Variants in ESYT2 observed in about 807,000 individuals in gnomAD.
The protein encoded by ESYT2 is extended synaptotagmin 2, also known as extended synaptotagmin-2.
ESYT2 carries 54 observed loss-of-function variants against 107.2 expected under a neutral mutation model. That is an observed-to-expected ratio of 0.50 (90% CI 0.40 to 0.63). The LOEUF (loss-of-function observed/expected upper bound fraction) is 0.63, where lower values mean the gene tolerates loss of function less well. Ranked by LOEUF, ESYT2 falls within the 30% of genes least tolerant of loss-of-function variation. The pLI, the probability that ESYT2 is intolerant of heterozygous loss-of-function variation, is 0.00. For synonymous variants in ESYT2, 491 were observed against 434.1 expected, an observed-to-expected ratio of 1.13 and a Z score of -1.63; for missense variants, 1,020 against 1,094.5, an observed-to-expected ratio of 0.93 and a Z score of 0.96.
intron 6 of ESYT2, among the ~76,000 whole-genome samples, chr7:158,779,955 G>A (rs548669681): frequency 3.0e-4 from 46 of 152,310 alleles, no homozygotes; most frequent in African/African-American, 1.1e-3. Flanking sequence ...ATCCAACTTG[G>A]TTTCTACCAC....
chr7:158,748,601 C>T (rs10266333), intron 15 of ESYT2, among the ~76,000 whole-genome samples: 1,999 of 152,238 alleles, frequency 0.013, 50 homozygotes, highest in African/African-American at 0.045. Flanking sequence ...TTTGCACCAA[C>T]GTAATAGCTC....
At chr7:158,769,922 TTTAA>T (rs1374923922) in intron 7 of ESYT2, among the ~76,000 whole-genome samples, 4 of 152,176 alleles carry the variant, frequency 2.6e-5, no homozygotes, top group East Asian at 3.9e-4. Flanking sequence ...TATTTATTTT[TTTAA>T]TTAATTTATT....
rs748575244 is a variant in ESYT2 at position 158,748,284 on chromosome 7, G to T, written c.1558-4C>A. Reference sequence around the variant, plus strand: ...GTTCATTGGTTTTGTATCGAATCTAGAAGAAATATCCAAATTATTAGCTCT... The same window carrying T: ...GTTCATTGGTTTTGTATCGAATCTATAAGAAATATCCAAATTATTAGCTCT... On this transcript the variant is annotated splice_polypyrimidine_tract_variant and splice_region_variant and intron_variant, in intron 15 of 22. Transcript: ENST00000275418. 1.2e-6 allele frequency: 2 copies of T among 1,611,692 alleles called. No homozygotes were observed. Among genetic ancestry groups the T allele is most frequent in the African/African-American group, 2.7e-5 (2 of 75,006 alleles).
intron 1 of ESYT2, among the ~76,000 whole-genome samples, chr7:158,814,309 A>G (rs1279589024): frequency 1.3e-4 from 1 of 7,466 alleles, no homozygotes; most frequent in Non-Finnish European, 1.2e-3. Flanking sequence ...ATATATATAT[A>G]TATATATATA....
intron 16 of ESYT2, among the ~76,000 whole-genome samples, chr7:158,746,538 G>C (rs1837408600): frequency 6.6e-6 from 1 of 150,804 alleles, no homozygotes. Context: ...GATTAATAAA[G>C]CACCAATAAT....
chr7:158,793,736 G>A lies in ESYT2; in HGVS notation c.508-10C>T. Reference sequence around the variant, plus strand: ...CATTGATCCTGAGGGGCTGAAATAAGAAGTAGCTTATTTTAAGATACAGAG... The same window carrying A: ...CATTGATCCTGAGGGGCTGAAATAAAAAGTAGCTTATTTTAAGATACAGAG... On this transcript the variant is annotated splice_polypyrimidine_tract_variant and intron_variant, in intron 3 of 22. Transcript: ENST00000275418. 2 of 1,607,734 alleles carry A rather than the reference G, an allele frequency of 1.2e-6. No individual in the cohort carries two copies. The highest frequency in any genetic ancestry group is 1.7e-6 in the Non-Finnish European group (2 of 1,176,612).
intron 1 of ESYT2, among the ~76,000 whole-genome samples, chr7:158,821,522 C>G (rs979382934): frequency 7.2e-5 from 11 of 152,236 alleles, no homozygotes; most frequent in Admixed American, 3.3e-4. Flanking sequence ...TCACCCCCAT[C>G]ATGTCCAAAC....
chr7:158,794,592 AC>A (rs1839406120), intron 3 of ESYT2, among the ~76,000 whole-genome samples: 2 of 152,118 alleles, frequency 1.3e-5, no homozygotes, highest in South Asian at 4.2e-4. Context: ...AGAGTTTGAG[AC>A]CAGCCTGAGT....
chr7:158,821,170 T>G (rs959599328), intron 1 of ESYT2, among the ~76,000 whole-genome samples: 3 of 152,158 alleles, frequency 2.0e-5, no homozygotes, highest in African/African-American at 7.2e-5. Context: ...AAAACCTCCA[T>G]AAATAAAACA....
Position 158,782,515 on chromosome 7 carries a change from G to C in ESYT2, c.747+5489C>G, listed in dbSNP as rs373172131. 3.7e-5 allele frequency among the ~76,000 whole-genome samples: 5 copies of C among 135,048 alleles called. No individual in the cohort carries two copies. In the East Asian group the frequency reaches 8.2e-4, roughly 22 times the overall value. The allele number at this position is 135,048 out of a possible 152,430, so 88.6% of individuals were successfully genotyped here. ...GTGTGAAACAAGTGAGAACAAGTGT[G>C]AGTGGAATAGCGAGTGTAAGAAAAT... On this transcript the variant is annotated intron_variant, in intron 6 of 22. Coordinates refer to ENST00000275418, the MANE Select transcript of ESYT2 (RefSeq NM_001367773.1).
At chr7:158,821,549 G>A (rs1024960499) in intron 1 of ESYT2, among the ~76,000 whole-genome samples, 15 of 152,180 alleles carry the variant, frequency 9.9e-5, no homozygotes, top group Admixed American at 9.8e-4. Flanking sequence ...TTAAAAGCAC[G>A]ACAGTAATCC....
chr7:158,748,196 C>T lies in ESYT2; in HGVS notation c.1642G>A (p.Glu548Lys), dbSNP rs1837468722. 1.2e-6 allele frequency: 2 copies of T among 1,613,248 alleles called. No individual in the cohort carries two copies. Among genetic ancestry groups the T allele is most frequent in the African/African-American group, 2.7e-5 (2 of 74,858 alleles). ...HNPKRQDLEV[E>K]VRDEQHQCSL... ...GTTAAAAAATGCAAATAAAATACCT[C>T]AACTTCAAGGTCCTGGCGCTTGGGA... The change falls in exon 16 of 23, where the codon GAG (glutamate) becomes AAG (lysine). Residue 548 changes from glutamate (E) to lysine (K), a missense_variant and splice_region_variant. Physicochemically the swap from Glu to Lys is moderately conservative, Grantham distance 56. Coordinates refer to ENST00000275418, the MANE Select transcript of ESYT2 (RefSeq NM_001367773.1).
chr7:158,740,169 AC>A (rs1222430129), intron 18 of ESYT2, among the ~76,000 whole-genome samples: 1 of 152,180 alleles, frequency 6.6e-6, no homozygotes, highest in Non-Finnish European at 1.5e-5. Flanking sequence ...CTGACCACGG[AC>A]TGCTGCTGGC....
intron 19 of ESYT2, among the ~76,000 whole-genome samples, chr7:158,738,352 C>CAG (rs1447962387): frequency 0.01 from 1,123 of 109,388 alleles, 52 homozygotes; most frequent in African/African-American, 0.041. Flanking sequence ...CAGACACACA[C>CAG]ACACACACAC....
At chr7:158,766,402 C>T (rs1256856217) in intron 8 of ESYT2, among the ~76,000 whole-genome samples, 1 of 152,160 alleles carries the variant, frequency 6.6e-6, no homozygotes, top group African/African-American at 2.4e-5. Context: ...GCATAAGAGG[C>T]TTAGGTGCAG....
intron 11 of ESYT2, among the ~76,000 whole-genome samples, chr7:158,761,186 C>T (rs933391900): frequency 6.6e-6 from 1 of 152,198 alleles, no homozygotes; most frequent in African/African-American, 2.4e-5. Flanking sequence ...TCTCGCACAG[C>T]CCTGCCCTTA....
At chr7:158,820,346 A>C (rs903482844) in intron 1 of ESYT2, among the ~76,000 whole-genome samples, 4 of 152,196 alleles carry the variant, frequency 2.6e-5, no homozygotes, top group Middle Eastern at 3.2e-3. Flanking sequence ...AAAGTCACTA[A>C]GAGTAGATTT....
At chr7:158,735,479 G>A (rs7787974) in intron 21 of ESYT2, 24 bp downstream of exon 21, 1,499,876 of 1,590,714 alleles carry the variant, frequency 0.94, 707,863 homozygotes, top group Middle Eastern at 0.97. Context: ...GCAGGAACTG[G>A]TTGAGGATTC....
chr7:158,766,708 C>CATATCCACTG (rs1838175827), intron 8 of ESYT2, among the ~76,000 whole-genome samples: 1 of 152,158 alleles, frequency 6.6e-6, no homozygotes. Flanking sequence ...ATAAAAACAA[C>CATATCCACTG]ATATCCACTG....
Sources: gnomAD v4.1 joint callset for allele counts (sites outside exome capture counted in the v4.1 genomes callset) on GRCh38, gnomAD v4.1.1 for gene constraint, MANE v1.5 for transcripts, NCBI Gene and HGNC (gene_info 2026-07-23, HGNC 2026-07-21) for gene names.